The following RBFOX1 variants were observed in gnomAD, a reference collection of about 807,000 sequenced individuals.
The protein encoded by RBFOX1 is RNA binding fox-1 homolog 1.
In RBFOX1, 8 loss-of-function variants were observed where a neutral mutation model predicts 57.7. That is an observed-to-expected ratio of 0.14 (90% CI 0.08 to 0.25). RBFOX1 has a LOEUF of 0.25. Among genes scored for constraint, RBFOX1 ranks in the 10% least tolerant of loss-of-function variants. The probability of loss-of-function intolerance (pLI) is 1.00; values close to 1 mark genes in which losing one functional copy is unlikely to be tolerated. For synonymous variants in RBFOX1, 326 were observed against 222.4 expected (o/e 1.47, Z -4.15); for missense variants, 611 against 548.5 (o/e 1.11, Z -1.14).
chr16:7,220,802 G>A (rs1200110190), intron 4 of RBFOX1, among the ~76,000 whole-genome samples: 1 of 152,014 alleles, frequency 6.6e-6, no homozygotes, highest in East Asian at 1.9e-4. Flanking sequence ...ATTTTAAATA[G>A]GCATCTTGGT....
At chr16:7,114,073 T>C (rs1307745765) in intron 4 of RBFOX1, among the ~76,000 whole-genome samples, 1 of 152,130 alleles carries the variant, frequency 6.6e-6, no homozygotes, top group African/African-American at 2.4e-5. Context: ...TTTGGCAAAA[T>C]TTTCTCTCAC....
chr16:5,524,542 TG>T (rs1255725892), intron 2 of RBFOX1, among the ~76,000 whole-genome samples: 2 of 120,788 alleles, frequency 1.7e-5, no homozygotes, highest in Non-Finnish European at 3.2e-5. Flanking sequence ...GAGTAGTAGT[TG>T]CTTTTTTTTT....
intron 4 of RBFOX1, among the ~76,000 whole-genome samples, chr16:7,185,223 C>G (rs1229106375): frequency 2.0e-5 from 3 of 152,246 alleles, no homozygotes; most frequent in Non-Finnish European, 2.9e-5. Flanking sequence ...AGATTTCAGT[C>G]ACTTATGACC....
intron 4 of RBFOX1, among the ~76,000 whole-genome samples, chr16:5,940,892 T>G (rs1204579985): frequency 6.6e-6 from 1 of 152,144 alleles, no homozygotes; most frequent in Non-Finnish European, 1.5e-5. Context: ...GGGCTGTGTG[T>G]AAGAAGGAGC....
chr16:7,025,266 G>C (rs1004182352), intron 3 of RBFOX1, among the ~76,000 whole-genome samples: 20 of 152,216 alleles, frequency 1.3e-4, no homozygotes, highest in African/African-American at 4.3e-4. Context: ...TGTTGCCATG[G>C]TGTTTGGAAA....
At chr16:5,540,899 G>C (rs1243785396) in intron 2 of RBFOX1, among the ~76,000 whole-genome samples, 1 of 152,138 alleles carries the variant, frequency 6.6e-6, no homozygotes, top group Non-Finnish European at 1.5e-5. Context: ...GCCCAGGCTG[G>C]AGTGCAGTGG....
chr16:7,320,607 G>C (rs899506353), intron 4 of RBFOX1, among the ~76,000 whole-genome samples: 3 of 152,150 alleles, frequency 2.0e-5, no homozygotes, highest in Non-Finnish European at 4.4e-5. Context: ...AATCAAACTT[G>C]CTTAAGCAAA....
intron 1 of RBFOX1, among the ~76,000 whole-genome samples, chr16:5,376,662 C>T (rs1252980097): frequency 6.6e-6 from 1 of 151,848 alleles, no homozygotes; most frequent in Non-Finnish European, 1.5e-5. Context: ...CTAGGCGTGG[C>T]ACATGCTGCG....
intron 4 of RBFOX1, among the ~76,000 whole-genome samples, chr16:7,144,420 T>TTC (rs2074501008): frequency 2.4e-3 from 25 of 10,218 alleles, no homozygotes; most frequent in African/African-American, 5.3e-3. Flanking sequence ...CTTTCTTCTT[T>TTC]TTTTTTTTTT....
At chr16:6,598,633 A>G (rs1036407441) in intron 2 of RBFOX1, among the ~76,000 whole-genome samples, 1 of 150,082 alleles carries the variant, frequency 6.7e-6, no homozygotes, top group Admixed American at 6.7e-5. Context: ...TTATGTGACC[A>G]TTCAAAATGG....
intron 3 of RBFOX1, among the ~76,000 whole-genome samples, chr16:7,023,469 AAGAG>A (rs899362034): frequency 1.3e-5 from 2 of 150,714 alleles, no homozygotes; most frequent in African/African-American, 4.9e-5. Context: ...CAAAAAAAAA[AAGAG>A]AGAAATGAAT....
At chr16:6,672,458 GGAAGGAAA>G (rs2098772329) in intron 3 of RBFOX1, among the ~76,000 whole-genome samples, 1 of 146,538 alleles carries the variant, frequency 6.8e-6, no homozygotes. Context: ...AGAAAGGAAA[GGAAGGAAA>G]GAAGGAAAGA....
intron 2 of RBFOX1, among the ~76,000 whole-genome samples, chr16:6,503,086 C>T (rs1192988182): frequency 5.9e-5 from 9 of 152,122 alleles, no homozygotes; most frequent in African/African-American, 2.2e-4. Context: ...TGGATATATT[C>T]TCAACAGACC....
intron 3 of RBFOX1, among the ~76,000 whole-genome samples, chr16:6,788,981 G>T (rs980143322): frequency 4.6e-5 from 7 of 152,134 alleles, no homozygotes; most frequent in Admixed American, 6.5e-5. Context: ...GGGACATGTG[G>T]TTTTATTCCC....
chr16:6,279,919 A>T (rs944575169), intron 1 of RBFOX1, among the ~76,000 whole-genome samples: 1 of 152,064 alleles, frequency 6.6e-6, no homozygotes, highest in African/African-American at 2.4e-5. Context: ...TCTGGAAGGG[A>T]AAGTAAATTG....
chr16:6,197,903 G>C (rs1331415429), intron 1 of RBFOX1, among the ~76,000 whole-genome samples: 3 of 152,062 alleles, frequency 2.0e-5, no homozygotes, highest in Non-Finnish European at 4.4e-5. Flanking sequence ...AGTGGCATTT[G>C]GTTTTCTGTC....
chr16:5,619,029 C>T (rs1364651504), intron 3 of RBFOX1, among the ~76,000 whole-genome samples: 2 of 152,152 alleles, frequency 1.3e-5, no homozygotes, highest in East Asian at 1.9e-4. Context: ...AGGAATGTGG[C>T]TGTTGCCCCT....
chr16:7,165,967 T>TACATAC, intron 4 of RBFOX1, among the ~76,000 whole-genome samples: 1 of 48,194 alleles, frequency 2.1e-5, no homozygotes, highest in African/African-American at 5.3e-5. Flanking sequence ...CACACACACA[T>TACATAC]ACATACATAC....
At chr16:7,362,464 T>C (rs1420731443) in intron 4 of RBFOX1, among the ~76,000 whole-genome samples, 1 of 151,480 alleles carries the variant, frequency 6.6e-6, no homozygotes, top group Non-Finnish European at 1.5e-5. Flanking sequence ...ATATATGTTT[T>C]TGTGTGTGTT....
Sources: gnomAD v4.1 joint callset for allele counts (sites outside exome capture counted in the v4.1 genomes callset) on GRCh38, gnomAD v4.1.1 for gene constraint, MANE v1.5 for transcripts, NCBI Gene and HGNC (gene_info 2026-07-23, HGNC 2026-07-21) for gene names.